Variants in ACSS3 observed in about 807,000 individuals in gnomAD.
ACSS3 encodes the protein acyl-CoA synthetase short chain family member 3.
In ACSS3, 64 loss-of-function variants were observed where a neutral mutation model predicts 84.2. The observed-to-expected ratio is 0.76, with a 90% CI of 0.62 to 0.94. ACSS3 has a LOEUF of 0.94. Among genes scored for constraint, ACSS3 ranks in the 40% least tolerant of loss-of-function variants. The pLI, the probability that ACSS3 is intolerant of heterozygous loss-of-function variation, is 0.00. For synonymous variants in ACSS3, 317 were observed against 310.1 expected (o/e 1.02, Z -0.23); for missense variants, 815 against 867.6 (o/e 0.94, Z 0.76).
intron 11 of ACSS3, among the ~76,000 whole-genome samples, chr12:81,224,483 C>T (rs1244459304): frequency 6.6e-6 from 1 of 151,604 alleles, no homozygotes; most frequent in Non-Finnish European, 1.5e-5. Context: ...CTTCTTTCCC[C>T]ATGTTTTCTT....
At chr12:81,148,198 A>G (rs1247321834) in intron 5 of ACSS3, among the ~76,000 whole-genome samples, 3 of 152,110 alleles carry the variant, frequency 2.0e-5, no homozygotes, top group Non-Finnish European at 4.4e-5. Flanking sequence ...AAGAATCCCA[A>G]ATTCTTAATC....
intron 13 of ACSS3, among the ~76,000 whole-genome samples, chr12:81,236,128 T>C (rs957988802): frequency 6.6e-6 from 1 of 151,412 alleles, no homozygotes; most frequent in Non-Finnish European, 1.5e-5. Flanking sequence ...TGAATAATTG[T>C]TTTTGTATTT....
intron 2 of ACSS3, among the ~76,000 whole-genome samples, chr12:81,129,111 A>G (rs1885313220): frequency 6.6e-6 from 1 of 152,132 alleles, no homozygotes; most frequent in South Asian, 2.1e-4. Context: ...AGCAAGGCCA[A>G]ATAGACTCCA....
chr12:81,243,694 G>A (rs911463659), intron 13 of ACSS3, among the ~76,000 whole-genome samples: 2 of 152,132 alleles, frequency 1.3e-5, no homozygotes, highest in Non-Finnish European at 2.9e-5. Flanking sequence ...AGAGCCCTCA[G>A]AAATAACGCC....
At chr12:81,182,854 C>G (rs534757289) in intron 8 of ACSS3, among the ~76,000 whole-genome samples, 64 of 152,236 alleles carry the variant, frequency 4.2e-4, no homozygotes, top group Middle Eastern at 6.8e-3. Flanking sequence ...TTTATCCAAC[C>G]ATGCCTTATG....
intron 13 of ACSS3, among the ~76,000 whole-genome samples, chr12:81,246,144 G>A (rs1000913958): frequency 1.3e-5 from 2 of 152,106 alleles, no homozygotes; most frequent in Non-Finnish European, 2.9e-5. Flanking sequence ...GGGTTCTCTT[G>A]GTTTAGGGTA....
chr12:81,226,651 A>T (rs1019951572), intron 11 of ACSS3, among the ~76,000 whole-genome samples: 1 of 151,880 alleles, frequency 6.6e-6, no homozygotes, highest in Non-Finnish European at 1.5e-5. Flanking sequence ...CTTTTACTAT[A>T]TTGCGCTCTT....
intron 9 of ACSS3, among the ~76,000 whole-genome samples, chr12:81,202,009 G>A (rs1285427921): frequency 1.3e-5 from 2 of 152,144 alleles, no homozygotes; most frequent in African/African-American, 4.8e-5. Context: ...GCTGGGTGCG[G>A]TGGTTCAAGC....
chr12:81,135,894 G>T (rs1274936632), intron 3 of ACSS3, among the ~76,000 whole-genome samples: 2 of 152,126 alleles, frequency 1.3e-5, no homozygotes, highest in East Asian at 3.9e-4. Context: ...TAAACTATAA[G>T]ATAAGGTGTC....
intron 11 of ACSS3, among the ~76,000 whole-genome samples, chr12:81,220,459 A>G (rs2033066697): frequency 1.3e-5 from 2 of 151,956 alleles, no homozygotes; most frequent in South Asian, 2.1e-4. Flanking sequence ...TTTTTTTGGT[A>G]TAGATTCAGG....
intron 13 of ACSS3, among the ~76,000 whole-genome samples, chr12:81,243,528 C>A (rs1027371219): frequency 6.6e-6 from 1 of 152,058 alleles, no homozygotes; most frequent in African/African-American, 2.4e-5. Context: ...TCATATGGAA[C>A]CAAAAAAGAG....
intron 2 of ACSS3, among the ~76,000 whole-genome samples, chr12:81,116,112 T>A (rs1007154788): frequency 1.3e-5 from 2 of 152,034 alleles, no homozygotes; most frequent in African/African-American, 4.8e-5. Flanking sequence ...TGTGTACATA[T>A]AATGTACACA....
At position 81,107,533 on chromosome 12, in the gene ACSS3, T is replaced by C. The variant is rs1389215438; in HGVS notation, c.312-2027T>C. On this transcript the variant is annotated intron_variant, in intron 1 of 15. Coordinates refer to ENST00000548058, the MANE Select transcript of ACSS3 (RefSeq NM_024560.4). Reference sequence around the variant, plus strand: ...ATACATATATATATATATATATATATATATATATATATATATATATATATA... The same window carrying C: ...ATACATATATATATATATATATATACATATATATATATATATATATATATA... Among the ~76,000 whole-genome samples, 240 of 110,092 alleles carry C rather than the reference T, an allele frequency of 2.2e-3. 5 individuals carry two copies. Among genetic ancestry groups the C allele is most frequent in the Non-Finnish European group, 3.4e-3 (187 of 55,020 alleles). The allele number at this position is 110,092 out of a possible 152,430, so 72.2% of individuals were successfully genotyped here.
Position 81,109,733 on chromosome 12 carries a change from T to G in ACSS3, c.456+29T>G, listed in dbSNP as rs553905670. On this transcript the variant is annotated intron_variant, in intron 2 of 15. Coordinates refer to ENST00000548058, the MANE Select transcript of ACSS3 (RefSeq NM_024560.4). ...ATATCATAAACTTTATATATGTATA[T>G]ATGAATTCATATAGAAATTACTTAA... 2.0e-6 allele frequency: 3 copies of G among 1,474,452 alleles called. No homozygotes were observed. The South Asian group carries it at 4.2e-5, about 21-fold the overall frequency. The allele number at this position is 1,474,452 out of a possible 1,614,324, so 91.3% of individuals were successfully genotyped here. A position where few individuals can be genotyped will look rare whatever the true frequency, so the allele number is the denominator to read the frequency against.
chr12:81,231,254 T>C (rs2033453544), intron 12 of ACSS3, 116 bp downstream of exon 12: 4 of 782,976 alleles, frequency 5.1e-6, no homozygotes, highest in Non-Finnish European at 7.9e-6. Flanking sequence ...TTAAAGGTTA[T>C]CTGGACCAGT....
intron 1 of ACSS3, among the ~76,000 whole-genome samples, chr12:81,107,552 AT>A (rs1565979195): frequency 1.6e-4 from 17 of 103,374 alleles, no homozygotes; most frequent in African/African-American, 4.8e-4. Flanking sequence ...ATATATATAT[AT>A]ATATATAAAT....
In ACSS3 at chr12:81,212,780, T is replaced by A. The variant is rs576878148; in HGVS notation, c.1355-4121T>A. Among the ~76,000 whole-genome samples, 10 of 152,308 alleles carry A rather than the reference T, an allele frequency of 6.6e-5. No individual in the cohort carries two copies. The East Asian group carries it at 1.9e-3, about 29-fold the overall frequency. The stretch of plus-strand genomic sequence containing the variant: ...AATTCATTTAGGTAACAGCTTATTA[T>A]ATAATAAAGTAGAGTGAGTCAGTAA... On this transcript the variant is annotated intron_variant, in intron 9 of 15. Transcript: ENST00000548058.
intron 7 of ACSS3, among the ~76,000 whole-genome samples, chr12:81,158,073 A>C (rs560428509): frequency 6.6e-6 from 1 of 152,126 alleles, no homozygotes; most frequent in Non-Finnish European, 1.5e-5. Context: ...ACATATGGCC[A>C]TAAAGGGCAT....
At chr12:81,254,030 T>C (rs1386567711) in intron 15 of ACSS3, among the ~76,000 whole-genome samples, 3 of 152,070 alleles carry the variant, frequency 2.0e-5, no homozygotes, top group African/African-American at 7.2e-5. Context: ...TCTAAAGAGA[T>C]CCTCTCACAT....
Sources: allele counts gnomAD v4.1 joint callset (sites outside exome capture counted in the v4.1 genomes callset), GRCh38; gene constraint gnomAD v4.1.1; transcripts MANE v1.5; gene names NCBI Gene and HGNC (gene_info 2026-07-23, HGNC 2026-07-21).